BLZF1: variants seen among roughly 807,000 people sequenced by gnomAD.
BLZF1 encodes basic leucine zipper nuclear factor 1, also known as golgin-45.
In BLZF1, 39 loss-of-function variants were observed where a neutral mutation model predicts 43.8. That is an observed-to-expected ratio of 0.89 (90% confidence interval 0.69 to 1.16). BLZF1 has a LOEUF of 1.16. Ranked by LOEUF, BLZF1 falls within the 50% of genes most tolerant of loss-of-function variation. The probability of loss-of-function intolerance (pLI) is 0.00; values close to 1 mark genes in which losing one functional copy is unlikely to be tolerated. For synonymous variants in BLZF1, 136 were observed against 159.4 expected (o/e 0.85, Z 1.11); for missense variants, 449 against 469.8 (o/e 0.96, Z 0.41).
chr1:169,380,871 G>A (rs1654503827), intron 5 of BLZF1, among the ~76,000 whole-genome samples: 1 of 152,050 alleles, frequency 6.6e-6, no homozygotes, highest in African/African-American at 2.4e-5. Flanking sequence ...GGATTTAAAA[G>A]CAATTGCTGG....
At chr1:169,384,424 G>A (rs1050811149) in intron 6 of BLZF1, among the ~76,000 whole-genome samples, 7 of 152,094 alleles carry the variant, frequency 4.6e-5, no homozygotes, top group African/African-American at 1.7e-4. Context: ...ACTACTGGCA[G>A]AGAGTTATTT....
intron 6 of BLZF1, among the ~76,000 whole-genome samples, chr1:169,386,765 C>T (rs1256273463): frequency 2.0e-5 from 3 of 150,792 alleles, no homozygotes; most frequent in East Asian, 1.9e-4. Flanking sequence ...AAAACATTAA[C>T]GTCATTATTT....
intron 6 of BLZF1, among the ~76,000 whole-genome samples, chr1:169,386,780 A>G (rs1042629958): frequency 1.3e-5 from 2 of 151,700 alleles, no homozygotes; most frequent in Admixed American, 6.6e-5. Flanking sequence ...TTATTTAAAA[A>G]AATATGTAAC....
chr1:169,381,421 T>G (rs1252676197), intron 5 of BLZF1, among the ~76,000 whole-genome samples: 1 of 152,056 alleles, frequency 6.6e-6, no homozygotes, highest in Non-Finnish European at 1.5e-5. Flanking sequence ...TAAAGGAAAT[T>G]CCAGGTCTAG....
At chr1:169,386,678 C>CA (rs11420632) in intron 6 of BLZF1, among the ~76,000 whole-genome samples, 47,938 of 107,360 alleles carry the variant, frequency 0.45, 10,163 homozygotes, top group Middle Eastern at 0.54. Flanking sequence ...GACTCCATCT[C>CA]AAAAAAAAAA....
intron 3 of BLZF1, among the ~76,000 whole-genome samples, chr1:169,378,038 C>T (rs1187261069): frequency 6.6e-6 from 1 of 151,178 alleles, no homozygotes; most frequent in Non-Finnish European, 1.5e-5. Flanking sequence ...ATTTTTTTTC[C>T]TTTAAGTGTT....
chr1:169,371,551 G>A (rs1190624036), intron 2 of BLZF1, among the ~76,000 whole-genome samples: 1 of 152,158 alleles, frequency 6.6e-6, no homozygotes, highest in Non-Finnish European at 1.5e-5. Context: ...GTACTTGGTT[G>A]ACATTTGTCA....
rs111340980 is a variant in BLZF1, at chr1:169,369,503, T to G, written c.-20T>G. The G allele has an allele frequency of 9.3e-6, 15 of 1,607,156 alleles. No individual in the cohort carries two copies. The African/African-American group carries it at 9.4e-5, about 10-fold the overall frequency. The stretch of plus-strand genomic sequence containing the variant: ...TCAGCAGAAGTCTTGGAGTGCATTT[T>G]CAGTGGTTAAGGTGAAAAAATGACT... On this transcript the variant is annotated 5_prime_UTR_variant, in exon 2 of 7. Coordinates refer to ENST00000367808, the MANE Select transcript of BLZF1 (RefSeq NM_001320973.2).
chr1:169,393,441 T>C (rs1346398645), intron 7 of BLZF1, among the ~76,000 whole-genome samples: 1 of 150,808 alleles, frequency 6.6e-6, no homozygotes, highest in East Asian at 2.0e-4. Flanking sequence ...TAAAAAAAAA[T>C]TAGCTGGGCA....
At chr1:169,374,805 A>G (rs1156354183) in intron 2 of BLZF1, among the ~76,000 whole-genome samples, 5 of 152,204 alleles carry the variant, frequency 3.3e-5, no homozygotes, top group African/African-American at 1.2e-4. Flanking sequence ...TCCAAAGTTT[A>G]TTAGGAATTT....
At chr1:169,373,591 T>C (rs751006847) in intron 2 of BLZF1, among the ~76,000 whole-genome samples, 5 of 152,194 alleles carry the variant, frequency 3.3e-5, no homozygotes, top group Non-Finnish European at 7.3e-5. Flanking sequence ...GCGGGAGCTC[T>C]CACGTAATAT....
chr1:169,385,540 G>A (rs1425165884), intron 6 of BLZF1, among the ~76,000 whole-genome samples: 3 of 152,158 alleles, frequency 2.0e-5, no homozygotes, highest in East Asian at 1.9e-4. Context: ...TTTGTTTCTC[G>A]CTCTATAAAG....
At chr1:169,370,891 T>G (rs1395895286) in intron 2 of BLZF1, among the ~76,000 whole-genome samples, 1 of 152,196 alleles carries the variant, frequency 6.6e-6, no homozygotes, top group Non-Finnish European at 1.5e-5. Flanking sequence ...TTCACATAGC[T>G]GTAGGCAACA....
At chr1:169,395,092 A>G (rs769603544) in intron 7 of BLZF1, 15 of 1,612,788 alleles carry the variant, frequency 9.3e-6, no homozygotes, top group African/African-American at 1.3e-5. Context: ...CTTCTGACAT[A>G]TATAGGTGGT....
chr1:169,377,069 G>A, intron 3 of BLZF1, 90 bp downstream of exon 3: 1 of 1,058,698 alleles, frequency 9.4e-7, no homozygotes, highest in Non-Finnish European at 1.4e-6. Context: ...TTTCTTTATG[G>A]GAATGTCATT....
In BLZF1 at chr1:169,382,181, TA is replaced by T. The variant is rs749827673; in HGVS notation, c.920del (p.Asn307IlefsTer35). On this transcript the variant is annotated frameshift_variant, in exon 6 of 7. Coordinates refer to ENST00000367808, the MANE Select transcript of BLZF1 (RefSeq NM_001320973.2). LOFTEE classifies it high-confidence loss of function. ...ALTNHKLAKA[V>X]NSHLLGNVGI... ...ACAAATCACAAGTTGGCAAAAGCAG[TA>T]AATTCTCATCTTCTGGGAAATGTTG... 6.2e-7 allele frequency: 1 copy of T among 1,613,702 alleles called. No individual in the cohort carries two copies. The highest frequency in any genetic ancestry group is 8.5e-7 in the Non-Finnish European group (1 of 1,179,792).
At chr1:169,388,840 G>T (rs1335464998), downstream of BLZF1, among the ~76,000 whole-genome samples, 1 of 152,098 alleles carries the variant, frequency 6.6e-6, no homozygotes, top group African/African-American at 2.4e-5. Context: ...CAAAAAATTG[G>T]CCTGGCGCAG....
rs1488926031 is a variant in BLZF1, at chr1:169,386,874, GT to G, written c.1018-116del. ...TCTTTTCAATCAGATTAGTCATTCT[GT>G]TTTTTTAGTAATAGTTATATATTAA... On this transcript the variant is annotated intron_variant, in intron 6 of 6. Transcript: ENST00000367808. The G allele has an allele frequency of 4.2e-5, 27 of 642,364 alleles. No homozygotes were observed. In the East Asian group the frequency reaches 6.4e-4, roughly 15 times the overall value. The allele number at this position is 642,364 out of a possible 1,614,324, so 39.8% of individuals were successfully genotyped here.
At chr1:169,392,676 G>A (rs1190219791), downstream of BLZF1, among the ~76,000 whole-genome samples, 2 of 152,128 alleles carry the variant, frequency 1.3e-5, no homozygotes, top group Non-Finnish European at 2.9e-5. Flanking sequence ...TCTGGATGGG[G>A]GGAAGTTGCC....
Sources: allele counts gnomAD v4.1 joint callset (sites outside exome capture counted in the v4.1 genomes callset), GRCh38; gene constraint gnomAD v4.1.1; transcripts MANE v1.5; gene names NCBI Gene and HGNC (gene_info 2026-07-23, HGNC 2026-07-21).